The following GRIK3 variants were observed in gnomAD, a reference collection of about 807,000 sequenced individuals.
The protein encoded by GRIK3 is glutamate receptor ionotropic, kainate 3.
In GRIK3, 29 loss-of-function variants were observed where a neutral mutation model predicts 102.5. The ratio of observed to expected loss-of-function variants is 0.28; its 90% CI spans 0.21 to 0.39. GRIK3 has a LOEUF of 0.39. Among genes scored for constraint, GRIK3 ranks in the 10% least tolerant of loss-of-function variants. The probability of loss-of-function intolerance (pLI) is 1.00; values close to 1 mark genes in which losing one functional copy is unlikely to be tolerated. For synonymous variants in GRIK3, 511 were observed against 504.9 expected (o/e 1.01, Z -0.16); for missense variants, 908 against 1,252.4 (o/e 0.73, Z 4.15).
chr1:36,832,320 T>G (rs1424591319), intron 10 of GRIK3, among the ~76,000 whole-genome samples: 1 of 152,170 alleles, frequency 6.6e-6, no homozygotes, highest in Non-Finnish European at 1.5e-5. Context: ...TGTTGCTGGT[T>G]TAGACGAGGC....
intron 1 of GRIK3, among the ~76,000 whole-genome samples, chr1:36,993,447 C>A (rs1023953126): frequency 3.3e-5 from 5 of 152,144 alleles, no homozygotes; most frequent in African/African-American, 1.2e-4. Flanking sequence ...ATCCTTGAAC[C>A]AATCTCTCAA....
At chr1:36,985,024 G>A (rs1642289699) in intron 1 of GRIK3, among the ~76,000 whole-genome samples, 1 of 152,194 alleles carries the variant, frequency 6.6e-6, no homozygotes, top group South Asian at 2.1e-4. Context: ...AGCCCGGGCA[G>A]GAACAGAAAG....
intron 1 of GRIK3, among the ~76,000 whole-genome samples, chr1:36,971,375 C>G (rs1162458525): frequency 2.0e-5 from 3 of 152,190 alleles, no homozygotes; most frequent in Non-Finnish European, 4.4e-5. Context: ...GCAGCTAGGC[C>G]TCACAGAAGC....
rs1238202792 is a variant in GRIK3, at chr1:36,796,015, C to CA, written c.*5835dup. The CA allele has an allele frequency of 6.6e-6, 1 of 152,334 alleles. No individual in the cohort carries two copies. Among genetic ancestry groups the CA allele is most frequent in the East Asian group, 1.9e-4 (1 of 5,192 alleles). The allele number at this position is 152,334 out of a possible 1,614,324, so 9.4% of individuals were successfully genotyped here. A position where few individuals can be genotyped will look rare whatever the true frequency, so the allele number is the denominator to read the frequency against. Reference sequence around the variant, plus strand: ...AGAGGACCCATGATCCCTACGGAACCAAGACAGGATGCTCCTCATGGGGCT... The same window carrying CA: ...AGAGGACCCATGATCCCTACGGAACCAAAGACAGGATGCTCCTCATGGGGCT... On this transcript the variant is annotated 3_prime_UTR_variant, in exon 16 of 16. Transcript: ENST00000373091.
intron 2 of GRIK3, among the ~76,000 whole-genome samples, chr1:36,887,899 T>C (rs1483459165): frequency 6.6e-6 from 1 of 151,476 alleles, no homozygotes; most frequent in Non-Finnish European, 1.5e-5. Context: ...AAAATAAAAC[T>C]GACTTTACCA....
chr1:36,960,907 A>G (rs1389520588), intron 1 of GRIK3, among the ~76,000 whole-genome samples: 1 of 152,170 alleles, frequency 6.6e-6, no homozygotes, highest in Non-Finnish European at 1.5e-5. Flanking sequence ...ACAAAGTGCA[A>G]TCCCTCAGAG....
intron 11 of GRIK3, among the ~76,000 whole-genome samples, chr1:36,823,352 T>C (rs1354055112): frequency 6.6e-6 from 1 of 151,614 alleles, no homozygotes; most frequent in Non-Finnish European, 1.5e-5. Context: ...TGGGCACCTG[T>C]AGTCCCAGCT....
chr1:36,931,953 A>G (rs1641595469), intron 1 of GRIK3, among the ~76,000 whole-genome samples: 2 of 152,112 alleles, frequency 1.3e-5, no homozygotes, highest in African/African-American at 4.8e-5. Flanking sequence ...CCAGCTCTGC[A>G]TCAACTCTTT....
At chr1:36,978,145 A>G (rs910249749) in intron 1 of GRIK3, among the ~76,000 whole-genome samples, 1 of 152,278 alleles carries the variant, frequency 6.6e-6, no homozygotes, top group Non-Finnish European at 1.5e-5. Context: ...CCCTCGATGT[A>G]ACCTTCACAG....
Position 36,866,735 on chromosome 1 carries a change from A to G in GRIK3, c.786+3013T>C, listed in dbSNP as rs141312743. On this transcript the variant is annotated intron_variant, in intron 5 of 15. Coordinates refer to ENST00000373091, the MANE Select transcript of GRIK3 (RefSeq NM_000831.4). ...TGCCCAAGGGAGTGGAAGAGTCTCA[A>G]TTCTAACTCAGGCCAACTGGGATCA... Among the ~76,000 whole-genome samples the G allele has an allele frequency of 2.5e-3, 383 of 152,350 alleles. 3 individuals are homozygous for G. The highest frequency in any genetic ancestry group is 8.8e-3 in the African/African-American group (365 of 41,578).
intron 1 of GRIK3, among the ~76,000 whole-genome samples, chr1:36,992,699 A>G (rs1642375850): frequency 6.6e-6 from 1 of 152,244 alleles, no homozygotes; most frequent in Non-Finnish European, 1.5e-5. Flanking sequence ...AAACATCGTC[A>G]TGAGCAAGAA....
chr1:36,862,602 AG>A (rs1214328642), intron 5 of GRIK3, among the ~76,000 whole-genome samples: 2 of 152,164 alleles, frequency 1.3e-5, no homozygotes, highest in African/African-American at 4.8e-5. Context: ...GAATCAGAGA[AG>A]GGCAGCAAAG....
At chr1:37,014,933 G>GTCTCTCTC (rs56296966) in intron 1 of GRIK3, among the ~76,000 whole-genome samples, 3 of 139,712 alleles carry the variant, frequency 2.1e-5, no homozygotes, top group East Asian at 2.1e-4. Flanking sequence ...CTCTGTTTTT[G>GTCTCTCTC]TCTCTCTCTC....
chr1:36,881,387 T>C (rs1307303850), intron 2 of GRIK3, among the ~76,000 whole-genome samples: 1 of 152,212 alleles, frequency 6.6e-6, no homozygotes, highest in Non-Finnish European at 1.5e-5. Context: ...ATATCAGATC[T>C]GACATGTCCA....
intron 1 of GRIK3, among the ~76,000 whole-genome samples, chr1:36,994,166 AC>A (rs1300433702): frequency 6.6e-6 from 1 of 151,952 alleles, no homozygotes; most frequent in Admixed American, 6.6e-5. Context: ...GATCAGGGTT[AC>A]CCCCTTTTCC....
chr1:36,909,489 C>T (rs1344812323), intron 1 of GRIK3, among the ~76,000 whole-genome samples: 5 of 152,082 alleles, frequency 3.3e-5, no homozygotes, highest in African/African-American at 9.7e-5. Flanking sequence ...TTGGTAGAGA[C>T]GGGGTTTCAC....
intron 1 of GRIK3, among the ~76,000 whole-genome samples, chr1:37,025,321 T>C (rs928915978): frequency 2.0e-5 from 3 of 152,154 alleles, no homozygotes; most frequent in Non-Finnish European, 4.4e-5. Context: ...GGCATCATCA[T>C]GATCTGGGAA....
intron 1 of GRIK3, among the ~76,000 whole-genome samples, chr1:36,902,070 G>T (rs1641237572): frequency 1.3e-5 from 2 of 152,134 alleles, no homozygotes; most frequent in African/African-American, 4.8e-5. Flanking sequence ...TCTAATGAAA[G>T]AAATCAAAGA....
chr1:36,979,150 G>T (rs1642223218), intron 1 of GRIK3, among the ~76,000 whole-genome samples: 1 of 152,200 alleles, frequency 6.6e-6, no homozygotes, highest in South Asian at 2.1e-4. Flanking sequence ...TCTAGGTATG[G>T]TATCCACCTC....
Sources: gnomAD v4.1 joint callset for allele counts (sites outside exome capture counted in the v4.1 genomes callset) on GRCh38, gnomAD v4.1.1 for gene constraint, MANE v1.5 for transcripts, NCBI Gene and HGNC (gene_info 2026-07-23, HGNC 2026-07-21) for gene names.